Variants in CCT7 observed in about 807,000 individuals in gnomAD.
The protein encoded by CCT7 is chaperonin containing TCP1 subunit 7.
CCT7 carries 16 observed loss-of-function variants against 56.6 expected under a neutral mutation model. That is an observed-to-expected ratio of 0.28 (90% CI 0.19 to 0.43). CCT7 has a LOEUF of 0.43. CCT7 is among the 20% of genes least tolerant of loss of function. The probability of loss-of-function intolerance (pLI) is 1.00; values close to 1 mark genes in which losing one functional copy is unlikely to be tolerated. For synonymous variants in CCT7, 262 were observed against 254.8 expected (o/e 1.03, Z -0.27); for missense variants, 519 against 685.6 (o/e 0.76, Z 2.71).
chr2:73,250,461 C>A (rs776133536), intron 10 of CCT7, 23 bp downstream of exon 10: 1 of 1,612,538 alleles, frequency 6.2e-7, no homozygotes, highest in Non-Finnish European at 8.5e-7. Context: ...TATCCTCCTG[C>A]TTGCACAGCC....
chr2:73,234,510 A>C, intron 1 of CCT7, 126 bp downstream of exon 1: 2 of 1,160,570 alleles, frequency 1.7e-6, no homozygotes, highest in Non-Finnish European at 2.5e-6. Context: ...CCAGATCCCC[A>C]GCTTAGGGGC....
At position 73,251,452 on chromosome 2, in the gene CCT7, AG is replaced by A; in HGVS notation, c.1410+23del. 1.8e-6 allele frequency: 1 copy of A among 567,524 alleles called. No homozygotes were observed. The highest frequency in any genetic ancestry group is 3.1e-6 in the Non-Finnish European group (1 of 323,078). 35.2% of individuals were successfully genotyped at this position (567,524 alleles called of 1,614,324 possible). On this transcript the variant is annotated intron_variant, in intron 11 of 11. Coordinates refer to ENST00000258091, the MANE Select transcript of CCT7 (RefSeq NM_006429.4). ...GCCCAGGTGGGTCCTTTCTCTCCCCAGGGTTCAGGGTTTGGGCGGGTGGGGC... is the reference window on the plus strand; with the variant it reads ...GCCCAGGTGGGTCCTTTCTCTCCCCAGGTTCAGGGTTTGGGCGGGTGGGGC...
At chr2:73,235,249 T>A (rs1014623738) in intron 1 of CCT7, among the ~76,000 whole-genome samples, 8 of 152,180 alleles carry the variant, frequency 5.3e-5, no homozygotes, top group Admixed American at 3.3e-4. Context: ...TTAGATACTT[T>A]CCGTGGGTCC....
intron 6 of CCT7, 149 bp from the exon 7 acceptor site, chr2:73,247,610 TATG>T: frequency 1.7e-6 from 1 of 603,370 alleles, no homozygotes; most frequent in Non-Finnish European, 2.8e-6. Flanking sequence ...TCTTCGATTT[TATG>T]ATAACAGAAA....
chr2:73,236,737 A>G (rs1686900691), intron 1 of CCT7, among the ~76,000 whole-genome samples: 1 of 152,178 alleles, frequency 6.6e-6, no homozygotes, highest in Non-Finnish European at 1.5e-5. Flanking sequence ...CTGCTGGGGA[A>G]CTGTTAGAAG....
intron 3 of CCT7, among the ~76,000 whole-genome samples, chr2:73,242,281 A>G (rs1486332887): frequency 6.6e-6 from 1 of 151,990 alleles, no homozygotes; most frequent in East Asian, 2.0e-4. Flanking sequence ...GAACTCCTGC[A>G]GTACCTTTTG....
Position 73,239,765 on chromosome 2 carries a change from T to G in CCT7, c.129T>G (p.Arg43=). The G allele has an allele frequency of 6.2e-7, 1 of 1,613,942 alleles. No individual in the cohort carries two copies. The highest frequency in any genetic ancestry group is 8.5e-7 in the Non-Finnish European group (1 of 1,179,872). The part of the protein sequence containing the change: ...AEAVRTTLGP[R]GMDKLIVDGR... ...CTGTAAGAACTACCCTGGGTCCCCG[T>G]GGCATGGACAAGCTTATTGTAGATG... Residue 43 remains arginine, a synonymous_variant, in exon 2 of 12, where the codon CGT becomes CGG. Transcript: ENST00000258091.
At chr2:73,239,013 A>G (rs1686994251) in intron 1 of CCT7, 1 of 152,296 alleles carries the variant, frequency 6.6e-6, no homozygotes, top group Admixed American at 6.5e-5. Context: ...TTATTCAGCC[A>G]GCATGAGAGA....
intron 1 of CCT7, among the ~76,000 whole-genome samples, chr2:73,236,829 G>A (rs1686905594): frequency 6.6e-6 from 1 of 152,150 alleles, no homozygotes; most frequent in Non-Finnish European, 1.5e-5. Context: ...TACCCAGCCT[G>A]CTGTTTCTTC....
chr2:73,245,797 A>T lies in CCT7; in HGVS notation c.618+1082A>T, dbSNP rs142492322. Among the ~76,000 whole-genome samples the T allele has an allele frequency of 1.6e-4, 25 of 152,278 alleles. No homozygotes were observed. In the East Asian group the frequency reaches 2.5e-3, roughly 15 times the overall value. ...CCCCTCCTATTGTGGCACATGTCAG[A>T]CCAGTGGGCTGAGATTCTCTGTATG... On this transcript the variant is annotated intron_variant, in intron 6 of 11. Transcript: ENST00000258091.
chr2:73,235,364 T>G (rs1456384022), intron 1 of CCT7, among the ~76,000 whole-genome samples: 6 of 152,208 alleles, frequency 3.9e-5, no homozygotes, highest in African/African-American at 1.4e-4. Flanking sequence ...GGCAGTTCAC[T>G]TATTCATTTT....
intron 1 of CCT7, among the ~76,000 whole-genome samples, chr2:73,236,278 G>A (rs1686879596): frequency 1.3e-5 from 2 of 152,176 alleles, no homozygotes; most frequent in African/African-American, 2.4e-5. Context: ...AGATCAGTAA[G>A]CTGAAATTCC....
chr2:73,243,117 A>C lies in CCT7; in HGVS notation c.381A>C (p.Thr127=). ...AGATCATCATTCGAGCTTTCCGCAC[A>C]GCCACCCAGCTGGTATGGCAGTACT... ...HPQIIIRAFR[T]ATQLAVNKIK... Residue 127 remains threonine (T), a synonymous_variant, in exon 4 of 12, where the codon ACA becomes ACC. Transcript: ENST00000258091. 6.2e-7 allele frequency: 1 copy of C among 1,614,024 alleles called. No individual in the cohort carries two copies. Among genetic ancestry groups the C allele is most frequent in the Non-Finnish European group, 8.5e-7 (1 of 1,179,878 alleles).
At chr2:73,236,180 G>A (rs967896533) in intron 1 of CCT7, among the ~76,000 whole-genome samples, 11 of 152,210 alleles carry the variant, frequency 7.2e-5, no homozygotes, top group Admixed American at 5.9e-4. Context: ...GGCGTTGAGC[G>A]CTGTGTGCCT....
chr2:73,243,310 T>A, intron 4 of CCT7, 181 bp downstream of exon 4: 2 of 640,900 alleles, frequency 3.1e-6, no homozygotes, highest in Non-Finnish European at 5.3e-6. Flanking sequence ...GTGTATTACT[T>A]AATCTCTTTA....
intron 11 of CCT7, 143 bp downstream of exon 11, chr2:73,251,575 C>T: frequency 1.5e-6 from 1 of 685,918 alleles, no homozygotes; most frequent in Non-Finnish European, 2.5e-6. Context: ...GACCAACTCC[C>T]TCCTCTGAGG....
In CCT7 at chr2:73,237,852, C is replaced by T. The variant is rs559834947; in HGVS notation, c.7-1791C>T. 1.5e-3 allele frequency among the ~76,000 whole-genome samples: 221 copies of T among 152,172 alleles called. 1 individual carries two copies. The highest frequency in any genetic ancestry group is 5.2e-3 in the African/African-American group (217 of 41,508). ...CTGAGGCAGGAGGGTTGTTAGAGGC[C>T]AGGAGTTGGAGACCAGCCTGGGCAA... On this transcript the variant is annotated intron_variant, in intron 1 of 11. Coordinates refer to ENST00000258091, the MANE Select transcript of CCT7 (RefSeq NM_006429.4).
chr2:73,244,939 A>G (rs1215751581), intron 6 of CCT7, among the ~76,000 whole-genome samples: 3 of 152,168 alleles, frequency 2.0e-5, no homozygotes, highest in African/African-American at 4.8e-5. Context: ...ATTGGACTGT[A>G]TGATTTTCAG....
chr2:73,236,344 CTT>C (rs1372969989), intron 1 of CCT7, among the ~76,000 whole-genome samples: 1 of 146,660 alleles, frequency 6.8e-6, no homozygotes. Flanking sequence ...GTTTCTTTTT[CTT>C]TTTTTTTTTT....
Sources: allele counts gnomAD v4.1 joint callset (sites outside exome capture counted in the v4.1 genomes callset), GRCh38; gene constraint gnomAD v4.1.1; transcripts MANE v1.5; gene names NCBI Gene and HGNC (gene_info 2026-07-23, HGNC 2026-07-21).